Variants in MTA3 observed in about 807,000 individuals in gnomAD.
MTA3 encodes the protein metastasis associated 1 family member 3, also known as metastasis-associated protein MTA3.
In MTA3, 34 loss-of-function variants were observed where a neutral mutation model predicts 83.5. The ratio of observed to expected loss-of-function variants is 0.41; its 90% CI spans 0.31 to 0.54. The LOEUF is 0.54. MTA3 is among the 20% of genes least tolerant of loss of function. The pLI, the probability that MTA3 is intolerant of heterozygous loss-of-function variation, is 0.33. For synonymous variants in MTA3, 303 were observed against 252.7 expected, an observed-to-expected ratio of 1.20 and a Z score of -1.89; for missense variants, 761 against 726.4, an observed-to-expected ratio of 1.05 and a Z score of -0.55.
rs77803845 is a variant in MTA3, at chr2:42,595,695, C to T, written c.191-13763C>T. ...CTCTACCTTCCCATGTTTAAGTAAA[C>T]GGTATTTGGGTATATATATATTTTT... On this transcript the variant is annotated intron_variant, in intron 3 of 16. Transcript: ENST00000405094. Among the ~76,000 whole-genome samples, 59 of 152,026 alleles carry T rather than the reference C, an allele frequency of 3.9e-4. No individual in the cohort carries two copies. The East Asian group carries it at 8.5e-3, about 22-fold the overall frequency.
At chr2:42,523,199 A>C (rs1168296517) in intron 2 of MTA3, among the ~76,000 whole-genome samples, 1 of 152,106 alleles carries the variant, frequency 6.6e-6, no homozygotes, top group African/African-American at 2.4e-5. Flanking sequence ...TCTGAATGTC[A>C]GTTGACTTCC....
chr2:42,611,831 G>A (rs1341863603), intron 4 of MTA3, among the ~76,000 whole-genome samples: 2 of 152,062 alleles, frequency 1.3e-5, no homozygotes, highest in African/African-American at 4.8e-5. Context: ...ATAATAAATA[G>A]GTGAGATAGA....
At chr2:42,645,197 AAG>A (rs1289667085) in intron 6 of MTA3, among the ~76,000 whole-genome samples, 14 of 151,078 alleles carry the variant, frequency 9.3e-5, no homozygotes, top group Middle Eastern at 3.4e-3. Flanking sequence ...AAAAAAAAAA[AAG>A]CTACACCAGT....
intron 2 of MTA3, among the ~76,000 whole-genome samples, chr2:42,500,265 G>A (rs771588301): frequency 4.8e-4 from 73 of 152,136 alleles, no homozygotes; most frequent in African/African-American, 4.8e-5. Context: ...TGGACGTGGT[G>A]GTGGGCGCCT....
intron 8 of MTA3, among the ~76,000 whole-genome samples, chr2:42,667,621 A>AGAGAGAGAGAGAGAG (rs1690385863): frequency 8.8e-6 from 1 of 114,076 alleles, no homozygotes; most frequent in African/African-American, 3.3e-5. Context: ...TAGAGAGAGA[A>AGAGAGAGAGAGAGAG]AGAGAGAGAG....
intron 4 of MTA3, among the ~76,000 whole-genome samples, chr2:42,633,716 C>G (rs957390488): frequency 3.3e-5 from 5 of 151,952 alleles, no homozygotes; most frequent in Admixed American, 6.6e-5. Flanking sequence ...ACAGTGAAAC[C>G]CCGTCTCTAC....
At chr2:42,637,373 T>C (rs139113608) in intron 4 of MTA3, among the ~76,000 whole-genome samples, 2 of 152,348 alleles carry the variant, frequency 1.3e-5, no homozygotes, top group African/African-American at 2.4e-5. Flanking sequence ...TTAGGTTCAT[T>C]GCTTGAGACT....
At chr2:42,605,888 G>A (rs1270902448) in intron 3 of MTA3, among the ~76,000 whole-genome samples, 4 of 115,354 alleles carry the variant, frequency 3.5e-5, no homozygotes, top group African/African-American at 1.0e-4. Flanking sequence ...CCGGGCAGAG[G>A]GGCTCCTCAC....
At chr2:42,558,324 C>A (rs1677498320) in intron 2 of MTA3, among the ~76,000 whole-genome samples, 2 of 150,704 alleles carry the variant, frequency 1.3e-5, no homozygotes, top group Non-Finnish European at 1.5e-5. Flanking sequence ...TCACTGCAAC[C>A]TTTGCCTTCT....
At chr2:42,606,962 G>C (rs544137175) in intron 3 of MTA3, among the ~76,000 whole-genome samples, 1 of 150,568 alleles carries the variant, frequency 6.6e-6, no homozygotes, top group Non-Finnish European at 1.5e-5. Context: ...GCAGGCATTC[G>C]GCAGACTGAG....
chr2:42,679,960 A>G (rs1691721863), intron 8 of MTA3: 2 of 152,200 alleles, frequency 1.3e-5, no homozygotes, highest in African/African-American at 2.4e-5. Flanking sequence ...GTAACAGATT[A>G]AAAGAATTCT....
chr2:42,616,312 T>C (rs1443713061), intron 4 of MTA3, among the ~76,000 whole-genome samples: 4 of 151,400 alleles, frequency 2.6e-5, no homozygotes, highest in African/African-American at 4.9e-5. Context: ...ATCTGCCTGC[T>C]TTGGCCTCCC....
At chr2:42,680,948 G>A (rs1157823256) in intron 8 of MTA3, among the ~76,000 whole-genome samples, 1 of 152,052 alleles carries the variant, frequency 6.6e-6, no homozygotes, top group African/African-American at 2.4e-5. Flanking sequence ...CACTGTGTTG[G>A]CCCAGGCTGG....
intron 16 of MTA3, among the ~76,000 whole-genome samples, chr2:42,732,833 A>G (rs1253318148): frequency 6.6e-6 from 1 of 152,230 alleles, no homozygotes; most frequent in African/African-American, 2.4e-5. Flanking sequence ...TCTCTAGGGC[A>G]GGGGCAAAAT....
chr2:42,739,934 T>C (rs1668900806), intron 16 of MTA3, among the ~76,000 whole-genome samples: 1 of 152,242 alleles, frequency 6.6e-6, no homozygotes, highest in South Asian at 2.1e-4. Context: ...CTTCTCATTC[T>C]AATTCTCCTG....
chr2:42,590,728 C>T (rs766871992), intron 3 of MTA3, among the ~76,000 whole-genome samples: 7 of 149,048 alleles, frequency 4.7e-5, no homozygotes, highest in Admixed American at 2.1e-4. Flanking sequence ...TGAAGCACTT[C>T]TCCCACCTCA....
At chr2:42,612,867 T>A (rs915938014) in intron 4 of MTA3, among the ~76,000 whole-genome samples, 4 of 151,830 alleles carry the variant, frequency 2.6e-5, no homozygotes, top group Non-Finnish European at 4.4e-5. Flanking sequence ...TCTCAAAAAA[T>A]AAATAAATAA....
intron 2 of MTA3, among the ~76,000 whole-genome samples, chr2:42,516,382 C>T (rs1322410111): frequency 6.6e-6 from 1 of 152,098 alleles, no homozygotes; most frequent in African/African-American, 2.4e-5. Flanking sequence ...TTTTATTAAG[C>T]GCAGAAAATG....
chr2:42,702,257 C>T (rs59092148), intron 11 of MTA3: 7 of 152,274 alleles, frequency 4.6e-5, no homozygotes, highest in East Asian at 1.9e-4. Context: ...CCAATTTGTC[C>T]TTAACATACA....
Sources: allele counts gnomAD v4.1 joint callset (sites outside exome capture counted in the v4.1 genomes callset), GRCh38; gene constraint gnomAD v4.1.1; transcripts MANE v1.5; gene names NCBI Gene and HGNC (gene_info 2026-07-23, HGNC 2026-07-21).